TLL2: variants seen among roughly 807,000 people sequenced by gnomAD.
TLL2 encodes tolloid like 2.
In TLL2, 106 loss-of-function variants were observed where a neutral mutation model predicts 123.0. The ratio of observed to expected loss-of-function variants is 0.86; its 90% CI spans 0.74 to 1.01. The LOEUF is 1.01. Ranked by LOEUF, TLL2 falls within the 50% of genes least tolerant of loss-of-function variation. The pLI is 0.00. For synonymous variants in TLL2, 494 were observed against 516.8 expected, an observed-to-expected ratio of 0.96 and a Z score of 0.60; for missense variants, 1,332 against 1,336.7, an observed-to-expected ratio of 1.00 and a Z score of 0.06.
chr10:96,511,964 CCTTGAATTAGGTCCCATAAGGAA>C (rs1453225796), intron 1 of TLL2, among the ~76,000 whole-genome samples: 1 of 152,208 alleles, frequency 6.6e-6, no homozygotes, highest in Non-Finnish European at 1.5e-5. Flanking sequence ...TTCTCCCTGG[CCTTGAATTAGGTCCCATAAGGAA>C]CTCATGGTAC....
In TLL2 at chr10:96,413,311, ACTC is replaced by A. The variant is rs2134071486; in HGVS notation, c.926_928del (p.Gly309del). 4 of 1,612,968 alleles carry A rather than the reference ACTC, an allele frequency of 2.5e-6. No homozygotes were observed. The highest frequency in any genetic ancestry group is 3.4e-6 in the Non-Finnish European group (4 of 1,179,270). On this transcript the variant is annotated inframe_deletion and splice_region_variant, in exon 8 of 21. Coordinates refer to ENST00000357947, the MANE Select transcript of TLL2 (RefSeq NM_012465.4). ...ACGGGGAAGGATGGTGTCTAAGAAA[ACTC>A]CTCTACAGGAAGGAAAAAAGACAGA...
At chr10:96,454,587 G>A (rs1846992762) in intron 2 of TLL2, among the ~76,000 whole-genome samples, 1 of 152,102 alleles carries the variant, frequency 6.6e-6, no homozygotes, top group African/African-American at 2.4e-5. Context: ...CCTGGCCCCT[G>A]GACTCCAGGT....
At chr10:96,400,377 A>C (rs997128764) in intron 10 of TLL2, among the ~76,000 whole-genome samples, 2 of 150,236 alleles carry the variant, frequency 1.3e-5, no homozygotes, top group South Asian at 2.1e-4. Flanking sequence ...AAAAAAAAAA[A>C]AAACAAAACC....
chr10:96,462,483 AGTTCACTAAACTAG>A (rs1020799689), intron 2 of TLL2, among the ~76,000 whole-genome samples: 3 of 152,240 alleles, frequency 2.0e-5, no homozygotes, highest in Non-Finnish European at 4.4e-5. Flanking sequence ...GGGAAGTCCA[AGTTCACTAAACTAG>A]TGAACACCTA....
chr10:96,414,097 GCCAGCT>G, intron 7 of TLL2, among the ~76,000 whole-genome samples: 1 of 152,146 alleles, frequency 6.6e-6, no homozygotes, highest in African/African-American at 2.4e-5. Context: ...AAATCAGGTT[GCCAGCT>G]GAGCGCTGGC....
intron 7 of TLL2, among the ~76,000 whole-genome samples, chr10:96,415,997 T>C (rs996986377): frequency 3.3e-5 from 5 of 151,740 alleles, no homozygotes; most frequent in Non-Finnish European, 7.4e-5. Context: ...ACCCTTGACC[T>C]GTCTTTCTCT....
At chr10:96,434,856 T>C (rs1564906701) in intron 3 of TLL2, among the ~76,000 whole-genome samples, 2 of 152,226 alleles carry the variant, frequency 1.3e-5, no homozygotes, top group Admixed American at 6.5e-5. Flanking sequence ...CTTGTGATTG[T>C]CAATCTTTTT....
chr10:96,430,503 C>T (rs745443866), intron 4 of TLL2, among the ~76,000 whole-genome samples: 18 of 152,190 alleles, frequency 1.2e-4, no homozygotes, highest in Non-Finnish European at 2.5e-4. Context: ...AGCACAACAG[C>T]ACTGGGGGAG....
At chr10:96,456,649 C>T (rs1040260586) in intron 2 of TLL2, among the ~76,000 whole-genome samples, 14 of 152,224 alleles carry the variant, frequency 9.2e-5, no homozygotes, top group African/African-American at 2.7e-4. Context: ...AAAGGAGGGC[C>T]CCTTCAATTC....
In TLL2 at chr10:96,450,333, A is replaced by G. The variant is rs137862837; in HGVS notation, c.287-4165T>C. ...ACTATTCTTCAAACAATGGCTCTCA[A>G]CTTTGGCTGCGATTTGAATCACCTG... On this transcript the variant is annotated intron_variant, in intron 2 of 20. Coordinates refer to ENST00000357947, the MANE Select transcript of TLL2 (RefSeq NM_012465.4). Among the ~76,000 whole-genome samples the G allele has an allele frequency of 6.0e-4, 88 of 146,752 alleles. 1 individual carries two copies. Among genetic ancestry groups the G allele is most frequent in the African/African-American group, 2.0e-3 (82 of 40,092 alleles).
At chr10:96,486,232 G>A (rs1451595353) in intron 1 of TLL2, among the ~76,000 whole-genome samples, 2 of 152,186 alleles carry the variant, frequency 1.3e-5, no homozygotes, top group Non-Finnish European at 2.9e-5. Flanking sequence ...TCATGATATG[G>A]TTTGGTAAAA....
intron 19 of TLL2, among the ~76,000 whole-genome samples, chr10:96,370,947 T>C (rs889069616): frequency 3.9e-5 from 6 of 152,088 alleles, no homozygotes; most frequent in Admixed American, 2.6e-4. Flanking sequence ...GGTTTTTTCA[T>C]TATACAAGGA....
Position 96,508,956 on chromosome 10 carries a change from A to G in TLL2, c.175+4555T>C, listed in dbSNP as rs1847600865. 2.0e-5 allele frequency among the ~76,000 whole-genome samples: 3 copies of G among 152,186 alleles called. No individual in the cohort carries two copies. In the South Asian group the frequency reaches 6.2e-4, roughly 32 times the overall value. On this transcript the variant is annotated intron_variant, in intron 1 of 20. Coordinates refer to ENST00000357947, the MANE Select transcript of TLL2 (RefSeq NM_012465.4). ...GGCTTGTGGCCGTGATGGAAGTGAT[A>G]ATGTGTGACTCTGAGGCAAAGCCAT...
rs147456510 is a variant in TLL2, at chr10:96,373,143, A to AT, written c.2662+452dup. 7.7e-3 allele frequency: 1,177 copies of AT among 153,604 alleles called. 6 individuals carry two copies. Among genetic ancestry groups the AT allele is most frequent in the Non-Finnish European group, 0.013 (880 of 69,110 alleles). 9.5% of individuals were successfully genotyped at this position (153,604 alleles called of 1,614,324 possible). ...CCTTTGGTTGCTGATGCTTCATTTTATTTTTTTTATTTTTTTAGAGACAAA... is the reference window on the plus strand; with the variant it reads ...CCTTTGGTTGCTGATGCTTCATTTTATTTTTTTTTATTTTTTTAGAGACAAA... On this transcript the variant is annotated intron_variant, in intron 19 of 20. Coordinates refer to ENST00000357947, the MANE Select transcript of TLL2 (RefSeq NM_012465.4).
intron 1 of TLL2, among the ~76,000 whole-genome samples, chr10:96,481,300 C>T (rs930851841): frequency 1.3e-5 from 2 of 152,146 alleles, no homozygotes; most frequent in Non-Finnish European, 2.9e-5. Flanking sequence ...GCATGTGACA[C>T]CACGCCTGGC....
In TLL2 at chr10:96,480,424, C is replaced by A. The variant is rs1407121765; in HGVS notation, c.211G>T (p.Asp71Tyr). Reference sequence around the variant, plus strand: ...TTGTCAATGTGAAACAGCTTCAAGTCATCTTCATCTAAGGCAATGTCTCCC... The same window carrying A: ...TTGTCAATGTGAAACAGCTTCAAGTAATCTTCATCTAAGGCAATGTCTCCC... The part of the protein sequence containing the change: ...FWGDIALDED[D>Y]LKLFHIDKAR... Residue 71 changes from aspartate to tyrosine, a missense_variant, in exon 2 of 21, where the codon GAC (aspartate) becomes TAC (tyrosine). Transcript: ENST00000357947. 6.2e-7 allele frequency: 1 copy of A among 1,614,188 alleles called. No homozygotes were observed. Among genetic ancestry groups the A allele is most frequent in the Non-Finnish European group, 8.5e-7 (1 of 1,180,046 alleles).
intron 1 of TLL2, among the ~76,000 whole-genome samples, chr10:96,492,390 G>A (rs1280308306): frequency 1.3e-5 from 2 of 152,166 alleles, no homozygotes; most frequent in African/African-American, 2.4e-5. Flanking sequence ...TTGGGAGGCC[G>A]AGGTGGGTGG....
chr10:96,378,160 C>G (rs181200529), intron 17 of TLL2, among the ~76,000 whole-genome samples: 11 of 152,402 alleles, frequency 7.2e-5, no homozygotes, highest in Admixed American at 7.2e-4. Flanking sequence ...AGATCCTGAC[C>G]AGACTCTGCG....
intron 10 of TLL2, among the ~76,000 whole-genome samples, chr10:96,401,240 C>A (rs1013931939): frequency 6.6e-6 from 1 of 152,130 alleles, no homozygotes; most frequent in Non-Finnish European, 1.5e-5. Flanking sequence ...GGAAAAAATG[C>A]GATGCACAGT....
Sources: allele counts gnomAD v4.1 joint callset (sites outside exome capture counted in the v4.1 genomes callset), GRCh38; gene constraint gnomAD v4.1.1; transcripts MANE v1.5; gene names NCBI Gene and HGNC (gene_info 2026-07-23, HGNC 2026-07-21).